Variants in PCDHGA1 observed in about 807,000 individuals in gnomAD.
PCDHGA1 encodes protocadherin gamma subfamily A, 1.
In PCDHGA1, 32 loss-of-function variants were observed where a neutral mutation model predicts 58.0. The observed-to-expected ratio is 0.55, with a 90% confidence interval of 0.42 to 0.74. PCDHGA1 has a LOEUF of 0.74. Ranked by LOEUF, PCDHGA1 falls within the 30% of genes least tolerant of loss-of-function variation. PCDHGA1 has a pLI of 0.00. For missense variants in PCDHGA1, 1,205 were observed against 1,182.3 expected (o/e 1.02, Z -0.28); for synonymous variants, 498 against 501.1 (o/e 0.99, Z 0.08).
Position 141,487,945 on chromosome 5 carries a change from G to A in PCDHGA1, c.2422-6862G>A, listed in dbSNP as rs2099669554. ...CAGTGCACAGGGTACAGTGCACCAG[G>A]CAGTCACTTGGACAAAGGTGGCTGT... On this transcript the variant is annotated intron_variant, in intron 1 of 3. Transcript: ENST00000517417. This position sits in a 1 kb window ranked among gnomAD's most constrained non-coding sequence, Gnocchi z 5.0. Among the ~76,000 whole-genome samples the A allele has an allele frequency of 6.6e-6, 1 of 152,198 alleles. No individual in the cohort carries two copies. Among genetic ancestry groups the A allele is most frequent in the Non-Finnish European group, 1.5e-5 (1 of 68,036 alleles).
At chr5:141,395,926 A>G (rs2093327122) in intron 1 of PCDHGA1, 1 of 152,218 alleles carries the variant, frequency 6.6e-6, no homozygotes, top group South Asian at 2.1e-4. Flanking sequence ...TCTAAAGCCT[A>G]GAATGTCCAT....
chr5:141,405,203 C>T, intron 1 of PCDHGA1: 2 of 1,613,520 alleles, frequency 1.2e-6, no homozygotes, highest in Non-Finnish European at 1.7e-6. Context: ...AGCTTTCCTA[C>T]AGACCTATTC....
chr5:141,430,826 CTG>C (rs2097313923), intron 1 of PCDHGA1: 1 of 1,550,416 alleles, frequency 6.4e-7, no homozygotes, highest in Non-Finnish European at 8.7e-7. Context: ...CCTGGGGACT[CTG>C]TGGGAGACCG....
At chr5:141,376,728 G>A (rs1773296004) in intron 1 of PCDHGA1, 1 of 538,000 alleles carries the variant, frequency 1.9e-6, no homozygotes, top group Non-Finnish European at 3.1e-6. Context: ...CGCCCAGGCC[G>A]GACTGCGGAC....
At chr5:141,411,631 C>G (rs570915798) in intron 1 of PCDHGA1, 1 of 151,812 alleles carries the variant, frequency 6.6e-6, no homozygotes, top group South Asian at 2.1e-4. Context: ...TGCTGTAATC[C>G]CAGCACTTTG....
chr5:141,355,152 C>T (rs533009974), intron 1 of PCDHGA1: 264 of 1,548,788 alleles, frequency 1.7e-4, no homozygotes, highest in African/African-American at 1.2e-3. Flanking sequence ...CTCCTCAGGC[C>T]TCGACAGAGG....
chr5:141,336,979 G>A (rs938003901), intron 1 of PCDHGA1, among the ~76,000 whole-genome samples: 7 of 152,164 alleles, frequency 4.6e-5, no homozygotes, highest in Non-Finnish European at 1.0e-4. Flanking sequence ...GACTTGAATA[G>A]ACATTTCTCC....
intron 1 of PCDHGA1, chr5:141,355,989 C>G (rs539292307): frequency 1.9e-6 from 3 of 1,613,804 alleles, no homozygotes; most frequent in Middle Eastern, 1.6e-4. Flanking sequence ...GGCTACTCAC[C>G]GTAAAAGCCA....
At chr5:141,465,457 C>G (rs956070103) in intron 1 of PCDHGA1, among the ~76,000 whole-genome samples, 1 of 152,214 alleles carries the variant, frequency 6.6e-6, no homozygotes, top group Non-Finnish European at 1.5e-5. Context: ...AAAACTCTCA[C>G]CAAATTGCCC....
Position 141,334,769 on chromosome 5 carries a change from T to TCATTAAA in PCDHGA1, c.2421+1664_2421+1665insCATTAAA, listed in dbSNP as rs1160638537. The TCATTAAA allele has an allele frequency of 6.6e-6, 1 of 152,230 alleles. No homozygotes were observed. Among genetic ancestry groups the TCATTAAA allele is most frequent in the Non-Finnish European group, 1.5e-5 (1 of 68,052 alleles). 9.4% of individuals were successfully genotyped at this position (152,230 alleles called of 1,614,324 possible). On this transcript the variant is annotated intron_variant, in intron 1 of 3. Coordinates refer to ENST00000517417, the MANE Select transcript of PCDHGA1 (RefSeq NM_018912.3). This position sits in a 1 kb window ranked among gnomAD's most constrained non-coding sequence, Gnocchi z 4.6. ...TGTGGTATCCAGAATATCACTGCTGTGCATCATTAAAGCGTCATTAAGAGA... is the reference window on the plus strand; with the variant it reads ...TGTGGTATCCAGAATATCACTGCTGTCATTAAAGCATCATTAAAGCGTCATTAAGAGA...
Position 141,501,330 on chromosome 5 carries a change from CA to C in PCDHGA1, c.2481-4062del, listed in dbSNP as rs1562200936. 1.8e-3 allele frequency among the ~76,000 whole-genome samples: 266 copies of C among 151,500 alleles called. 1 individual carries two copies. Among genetic ancestry groups the C allele is most frequent in the African/African-American group, 5.1e-3 (210 of 41,250 alleles). On this transcript the variant is annotated intron_variant, in intron 2 of 3. Transcript: ENST00000517417. ...ACACACACACACACACACACACACACACACCCCAAACTCAATAGGGCAAGAA... is the reference window on the plus strand; with the variant it reads ...ACACACACACACACACACACACACACCACCCCAAACTCAATAGGGCAAGAA...
Position 141,477,350 on chromosome 5 carries a change from A to G in PCDHGA1, c.2422-17457A>G. The G allele has an allele frequency of 6.2e-7, 1 of 1,614,142 alleles. No individual in the cohort carries two copies. Among genetic ancestry groups the G allele is most frequent in the Non-Finnish European group, 8.5e-7 (1 of 1,180,016 alleles). On this transcript the variant is annotated intron_variant, in intron 1 of 3. Transcript: ENST00000517417. The surrounding 1 kb of genome is among the most constrained non-coding windows in gnomAD (Gnocchi z 4.9). ...CAAGAATTACTTCACTTTGAAAACC[A>G]GTGCAGACCTGGATCGGGAGACTGT...
chr5:141,347,082 TCCTC>T (rs1561493201), intron 1 of PCDHGA1, among the ~76,000 whole-genome samples: 16 of 149,544 alleles, frequency 1.1e-4, no homozygotes, highest in Admixed American at 9.9e-4. Flanking sequence ...TCTCTCTCTT[TCCTC>T]CTTCCTTCCT....
At position 141,403,340 on chromosome 5, in the gene PCDHGA1, G is replaced by GC. The variant is rs1435471755; in HGVS notation, c.2421+70239dup. The GC allele has an allele frequency of 5.6e-6, 9 of 1,613,982 alleles. No homozygotes were observed. In the South Asian group the frequency reaches 9.9e-5, roughly 18 times the overall value. ...AGAAGTAACTGATATTAACGACAGCGCCCCAAAGTTCCAGGCCGAAAGTCT... is the reference window on the plus strand; with the variant it reads ...AGAAGTAACTGATATTAACGACAGCGCCCCCAAAGTTCCAGGCCGAAAGTCT... On this transcript the variant is annotated intron_variant, in intron 1 of 3. Transcript: ENST00000517417.
chr5:141,485,549 G>T lies in PCDHGA1; in HGVS notation c.2422-9258G>T. 1 of 1,614,030 alleles carries T rather than the reference G, an allele frequency of 6.2e-7. No homozygotes were observed. Among genetic ancestry groups the T allele is most frequent in the Non-Finnish European group, 8.5e-7 (1 of 1,179,922 alleles). On this transcript the variant is annotated intron_variant, in intron 1 of 3. Coordinates refer to ENST00000517417, the MANE Select transcript of PCDHGA1 (RefSeq NM_018912.3). The surrounding 1 kb of genome is among the most constrained non-coding windows in gnomAD (Gnocchi z 5.7). Reference sequence around the variant, plus strand: ...CCGAGCAGAGGTAGAGATCGTAGATGTGAATGATCACGCCCCCCGTTTTCC... The same window carrying T: ...CCGAGCAGAGGTAGAGATCGTAGATTTGAATGATCACGCCCCCCGTTTTCC...
chr5:141,383,187 C>A (rs572411306), intron 1 of PCDHGA1: 2 of 1,614,076 alleles, frequency 1.2e-6, no homozygotes, highest in Non-Finnish European at 1.7e-6. Context: ...AAGAGATCTG[C>A]GCTCAGAGTG....
At chr5:141,341,047 C>A in intron 1 of PCDHGA1, 1 of 1,614,180 alleles carries the variant, frequency 6.2e-7, no homozygotes, top group South Asian at 1.1e-5. Flanking sequence ...TCACTCTGTA[C>A]CTGGTGGTGG....
At chr5:141,401,296 C>A (rs2094138441) in intron 1 of PCDHGA1, among the ~76,000 whole-genome samples, 1 of 152,104 alleles carries the variant, frequency 6.6e-6, no homozygotes, top group Non-Finnish European at 1.5e-5. Flanking sequence ...GAGCCGAGAT[C>A]ACTCCATTGC....
intron 1 of PCDHGA1, chr5:141,346,241 C>G (rs771215185): frequency 1.2e-6 from 2 of 1,614,198 alleles, no homozygotes; most frequent in African/African-American, 1.3e-5. Flanking sequence ...CGAGTACGCC[C>G]GGCTCGCACT....
Sources: allele counts gnomAD v4.1 joint callset (sites outside exome capture counted in the v4.1 genomes callset), GRCh38; gene constraint gnomAD v4.1.1; non-coding constraint Gnocchi (gnomAD v3.1); transcripts MANE v1.5; gene names NCBI Gene and HGNC (gene_info 2026-07-23, HGNC 2026-07-21).